RERG: variants seen among roughly 807,000 people sequenced by gnomAD.
RERG encodes the protein ras-related and estrogen-regulated growth inhibitor.
A neutral mutation model predicts 23.2 loss-of-function variants in RERG; 25 were observed. The observed-to-expected ratio is 1.08, with a 90% CI of 0.79 to 1.50. The LOEUF is 1.50. RERG is among the 40% of genes most tolerant of loss of function. RERG has a pLI of 0.00. For synonymous variants in RERG, 81 were observed against 89.1 expected (o/e 0.91, Z 0.51); for missense variants, 253 against 250.1 (o/e 1.01, Z -0.08).
intron 2 of RERG, among the ~76,000 whole-genome samples, chr12:15,166,562 T>TTGGTGGTGGTGG (rs1277262863): frequency 3.3e-5 from 5 of 149,376 alleles, no homozygotes; most frequent in Non-Finnish European, 7.5e-5. Flanking sequence ...GGTGGTGGTG[T>TTGGTGGTGGTGG]TGGTGGTGGT....
chr12:15,168,524 A>G (rs893058249), intron 2 of RERG, among the ~76,000 whole-genome samples: 3 of 152,230 alleles, frequency 2.0e-5, no homozygotes, highest in Admixed American at 6.5e-5. Context: ...TTGGAAATTC[A>G]TAAGTCTTAA....
chr12:15,124,924 G>GC (rs1315912832), intron 2 of RERG, among the ~76,000 whole-genome samples: 1 of 78,926 alleles, frequency 1.3e-5, no homozygotes, highest in Non-Finnish European at 2.7e-5. Flanking sequence ...AATGCCTTTT[G>GC]AATTTTGTCT....
chr12:15,151,144 A>G (rs1212185690), intron 2 of RERG, among the ~76,000 whole-genome samples: 1 of 152,144 alleles, frequency 6.6e-6, no homozygotes. Flanking sequence ...TGTTGTGACT[A>G]TGGGTGATTT....
chr12:15,131,848 A>G (rs1864053590), intron 2 of RERG, among the ~76,000 whole-genome samples: 1 of 152,178 alleles, frequency 6.6e-6, no homozygotes, highest in African/African-American at 2.4e-5. Flanking sequence ...AACCTCTAAC[A>G]GTAGGGTGTC....
At chr12:15,187,347 T>G (rs1865007294) in intron 2 of RERG, among the ~76,000 whole-genome samples, 1 of 152,122 alleles carries the variant, frequency 6.6e-6, no homozygotes, top group East Asian at 1.9e-4. Flanking sequence ...TAATACAAAC[T>G]AAATGTGATT....
At chr12:15,125,773 G>C (rs1386171733) in intron 2 of RERG, among the ~76,000 whole-genome samples, 1 of 151,854 alleles carries the variant, frequency 6.6e-6, no homozygotes, top group Non-Finnish European at 1.5e-5. Flanking sequence ...AATGGAAAAA[G>C]TTTAAAAGTA....
chr12:15,154,047 A>C (rs988197814), intron 2 of RERG, among the ~76,000 whole-genome samples: 7 of 152,164 alleles, frequency 4.6e-5, no homozygotes, highest in African/African-American at 1.4e-4. Flanking sequence ...GGCAGGGAAC[A>C]GATCCTCCCT....
At chr12:15,149,356 A>G (rs930671909) in intron 2 of RERG, among the ~76,000 whole-genome samples, 1 of 152,166 alleles carries the variant, frequency 6.6e-6, no homozygotes, top group South Asian at 2.1e-4. Flanking sequence ...TAAAATATTA[A>G]TAGTAAAATG....
chr12:15,127,037 C>A (rs754954456), intron 2 of RERG, among the ~76,000 whole-genome samples: 2 of 152,072 alleles, frequency 1.3e-5, no homozygotes, highest in African/African-American at 2.4e-5. Context: ...TTTCTACCTG[C>A]GGTATCTAAA....
intron 2 of RERG, among the ~76,000 whole-genome samples, chr12:15,151,667 T>A (rs1864445184): frequency 6.6e-6 from 1 of 152,128 alleles, no homozygotes; most frequent in South Asian, 2.1e-4. Flanking sequence ...TGGTAGTGGA[T>A]CATAGTAAAT....
At chr12:15,144,995 T>C (rs1864306500) in intron 2 of RERG, among the ~76,000 whole-genome samples, 1 of 152,234 alleles carries the variant, frequency 6.6e-6, no homozygotes, top group African/African-American at 2.4e-5. Flanking sequence ...TTTTCTTTTC[T>C]TTTTTCCATT....
At chr12:15,159,509 T>G (rs903680535) in intron 2 of RERG, among the ~76,000 whole-genome samples, 2 of 152,206 alleles carry the variant, frequency 1.3e-5, no homozygotes, top group African/African-American at 2.4e-5. Flanking sequence ...CATATTTATA[T>G]CTATTGATAC....
intron 2 of RERG, among the ~76,000 whole-genome samples, chr12:15,138,675 T>G (rs951034386): frequency 5.9e-5 from 9 of 152,184 alleles, no homozygotes; most frequent in Admixed American, 3.9e-4. Flanking sequence ...TATTGTTGTT[T>G]TAATACTTCT....
intron 1 of RERG, among the ~76,000 whole-genome samples, chr12:15,218,808 C>T (rs557098275): frequency 2.0e-5 from 3 of 152,090 alleles, no homozygotes; most frequent in South Asian, 2.1e-4. Flanking sequence ...TGTACACTCT[C>T]GTTTATGTTT....
chr12:15,113,982 G>C (rs774057273), intron 3 of RERG, among the ~76,000 whole-genome samples: 1 of 151,904 alleles, frequency 6.6e-6, no homozygotes, highest in African/African-American at 2.4e-5. Flanking sequence ...ATTTATATAG[G>C]AACTTAGTAT....
intron 2 of RERG, among the ~76,000 whole-genome samples, chr12:15,147,691 A>G (rs1285324442): frequency 6.6e-6 from 1 of 152,228 alleles, no homozygotes; most frequent in Non-Finnish European, 1.5e-5. Context: ...TGAGCAAACT[A>G]AAAGGTAGAT....
At chr12:15,130,854 C>G (rs1268817967) in intron 2 of RERG, among the ~76,000 whole-genome samples, 1 of 151,956 alleles carries the variant, frequency 6.6e-6, no homozygotes, top group African/African-American at 2.4e-5. Flanking sequence ...TAGGGAAACA[C>G]TTTTGTTTTT....
intron 2 of RERG, among the ~76,000 whole-genome samples, chr12:15,205,478 G>T (rs1865270861): frequency 6.6e-6 from 1 of 152,032 alleles, no homozygotes; most frequent in African/African-American, 2.4e-5. Flanking sequence ...GAATGGAAAA[G>T]AAAGTCCCAG....
intron 2 of RERG, among the ~76,000 whole-genome samples, chr12:15,168,280 G>C (rs12810979): frequency 6.6e-6 from 1 of 152,020 alleles, no homozygotes; most frequent in South Asian, 2.1e-4. Context: ...TCTTCGTTGC[G>C]GTCTGCCTTA....
Sources: allele counts gnomAD v4.1 joint callset (sites outside exome capture counted in the v4.1 genomes callset), GRCh38; gene constraint gnomAD v4.1.1; transcripts MANE v1.5; gene names NCBI Gene and HGNC (gene_info 2026-07-23, HGNC 2026-07-21).